The following ATP5MC3 variants were observed in gnomAD, a reference collection of about 807,000 sequenced individuals.
ATP5MC3 encodes ATP synthase F(0) complex subunit C3, mitochondrial.
ATP5MC3 carries 6 observed loss-of-function variants against 15.6 expected under a neutral mutation model. That is an observed-to-expected ratio of 0.38 (90% CI 0.21 to 0.76). ATP5MC3 has a LOEUF of 0.76. Among genes scored for constraint, ATP5MC3 ranks in the 30% least tolerant of loss-of-function variants. The pLI, the probability that ATP5MC3 is intolerant of heterozygous loss-of-function variation, is 0.44. For synonymous variants in ATP5MC3, 66 were observed against 63.3 expected, an observed-to-expected ratio of 1.04 and a Z score of -0.20; for missense variants, 132 against 171.2, an observed-to-expected ratio of 0.77 and a Z score of 1.28.
Position 175,178,303 on chromosome 2 carries a change from A to G in ATP5MC3, c.414T>C (p.Ile138=), listed in dbSNP as rs776355506. ...GLFCLMVAFL[I]LFAM ...CAGTAATTTGTTACATGGCAAACAA[A>G]ATCAAGAAAGCAACCATCAAACAAA... The change falls in exon 5 of 5, where the codon ATT becomes ATC. Residue 138 remains isoleucine (I), a synonymous_variant. Coordinates refer to ENST00000284727, the MANE Select transcript of ATP5MC3 (RefSeq NM_001689.5). 2.5e-5 allele frequency: 40 copies of G among 1,609,288 alleles called. No homozygotes were observed. The South Asian group carries it at 4.2e-4, about 17-fold the overall frequency.
In ATP5MC3 at chr2:175,178,409, G is replaced by A. The variant is rs1007412561; in HGVS notation, c.315-7C>T. On this transcript the variant is annotated splice_region_variant and splice_polypyrimidine_tract_variant and intron_variant, in intron 4 of 4. Transcript: ENST00000284727. ...CTGCTTCAGCGAAGGGTTTCTAAAA[G>A]AGACCACATATGACTGTTACTTTGA... 6.3e-7 allele frequency: 1 copy of A among 1,598,662 alleles called. No homozygotes were observed. Among genetic ancestry groups the A allele is most frequent in the Non-Finnish European group, 8.5e-7 (1 of 1,175,932 alleles).
rs940131820 is a variant in ATP5MC3, at chr2:175,177,129, GC to G, written c.*1158del. On this transcript the variant is annotated 3_prime_UTR_variant, in exon 5 of 5. Coordinates refer to ENST00000284727, the MANE Select transcript of ATP5MC3 (RefSeq NM_001689.5). ...AGTATGCACAAAAACCACCTGGGAA[GC>G]CTTTTTAAAGATGTAGATTGCTGAG... is the stretch of plus-strand genomic sequence containing the variant. 1 of 152,120 alleles carries G rather than the reference GC, an allele frequency of 6.6e-6. No individual in the cohort carries two copies. The highest frequency in any genetic ancestry group is 2.4e-5 in the African/African-American group (1 of 41,414). 9.4% of individuals were successfully genotyped at this position (152,120 alleles called of 1,614,324 possible). A position where few individuals can be genotyped will look rare whatever the true frequency, so the allele number is the denominator to read the frequency against.
chr2:175,178,522 G>A (rs1700721897), intron 4 of ATP5MC3, 120 bp from the exon 5 acceptor site: 1 of 1,443,244 alleles, frequency 6.9e-7, no homozygotes, highest in African/African-American at 1.4e-5. Context: ...TGCTGGAAGA[G>A]TATTTGCCTA....
At position 175,180,162 on chromosome 2, in the gene ATP5MC3, C is replaced by G. The variant is rs746941539; in HGVS notation, c.56G>C (p.Arg19Thr). 3.1e-6 allele frequency: 5 copies of G among 1,595,100 alleles called. No homozygotes were observed. In the African/African-American group the frequency reaches 5.4e-5, roughly 17 times the overall value. The stretch of plus-strand genomic sequence containing the variant: ...TGCAGAAATTGGTCTGTATGCAACT[C>G]TGGATCCAGCTCGGATCTATTAATG... Reference protein sequence around the residue: ...CTPSLIRAGSRVAYRPISASV... With the variant: ...CTPSLIRAGSTVAYRPISASV... Residue 19 changes from arginine to threonine, a missense_variant, in exon 3 of 5, where the codon AGA becomes ACA. By Grantham distance (71) the Arg-to-Thr change is moderately conservative. Around this residue, in one of 2 missense-constraint regions of ATP5MC3, gnomAD observed 90 missense variants for 86.2 expected, o/e 1.04. Transcript: ENST00000284727.
At chr2:175,178,897 T>G in intron 4 of ATP5MC3, 160 bp downstream of exon 4, 1 of 1,222,278 alleles carries the variant, frequency 8.2e-7, no homozygotes, top group Non-Finnish European at 1.1e-6. Flanking sequence ...ACACCCCAAA[T>G]GGTGTTATGA....
intron 2 of ATP5MC3, among the ~76,000 whole-genome samples, chr2:175,180,494 C>A (rs1700753703): frequency 6.6e-6 from 1 of 152,292 alleles, no homozygotes; most frequent in South Asian, 2.1e-4. Flanking sequence ...AAATACCACA[C>A]GTTCTTTGGC....
At chr2:175,179,318 A>C (rs1433990117) in intron 3 of ATP5MC3, 68 bp from the exon 4 acceptor site, 37 of 1,497,428 alleles carry the variant, frequency 2.5e-5, no homozygotes, top group Non-Finnish European at 3.1e-5. Context: ...ATTAAATACC[A>C]TATTGTCAAA....
At position 175,181,421 on chromosome 2, in the gene ATP5MC3, G is replaced by T. The variant is rs1700770070; in HGVS notation, c.-28C>A. The T allele has an allele frequency of 6.2e-7, 1 of 1,612,966 alleles. No individual in the cohort carries two copies. Among genetic ancestry groups the T allele is most frequent in the Non-Finnish European group, 8.5e-7 (1 of 1,179,526 alleles). ...TACACTCTTCGGGACTGCGCGGCTG[G>T]AGATATTGGGTGACAGGCGACGTGG... On this transcript the variant is annotated 5_prime_UTR_variant, in exon 2 of 5. Coordinates refer to ENST00000284727, the MANE Select transcript of ATP5MC3 (RefSeq NM_001689.5).
chr2:175,178,393 C>G lies in ATP5MC3; in HGVS notation c.324G>C (p.Ser108=). 4 of 1,603,866 alleles carry G rather than the reference C, an allele frequency of 2.5e-6. No individual in the cohort carries two copies. Among genetic ancestry groups the G allele is most frequent in the Non-Finnish European group, 3.4e-6 (4 of 1,176,800 alleles). ...CATATGAGAACAGCTGCTGCTTCAG[C>G]GAAGGGTTTCTAAAAGAGACCACAT... is the stretch of plus-strand genomic sequence containing the variant. ...SLIIGYARNP[S]LKQQLFSYAI... Residue 108 remains serine, a synonymous_variant, in exon 5 of 5, where the codon TCG becomes TCC. Transcript: ENST00000284727.
chr2:175,179,296 G>A (rs748864884), intron 3 of ATP5MC3, 46 bp from the exon 4 acceptor site: 9 of 1,537,604 alleles, frequency 5.9e-6, no homozygotes, highest in Non-Finnish European at 7.9e-6. Context: ...GTAACCACAG[G>A]TAGCTATTTT....
At chr2:175,178,460 A>G (rs1700721020) in intron 4 of ATP5MC3, 58 bp from the exon 5 acceptor site, 1 of 1,548,604 alleles carries the variant, frequency 6.5e-7, no homozygotes, top group Non-Finnish European at 8.7e-7. Context: ...ATGTTTGGTA[A>G]ATGTTAAAGA....
At chr2:175,178,463 G>A (rs112693157) in intron 4 of ATP5MC3, 61 bp from the exon 5 acceptor site, 1 of 1,548,926 alleles carries the variant, frequency 6.5e-7, no homozygotes, top group Non-Finnish European at 8.7e-7. Flanking sequence ...TTTGGTAAAT[G>A]TTAAAGAATC....
rs1271750604 is a variant in ATP5MC3 at position 175,178,816 on chromosome 2, T to C, written c.314+241A>G. On this transcript the variant is annotated intron_variant, in intron 4 of 4. Transcript: ENST00000284727. ...CTTAGTTAAAATTCATTTTCTGACA[T>C]TTACTAGCTATGACCTGGGCAAGTA... 5 of 1,117,974 alleles carry C rather than the reference T, an allele frequency of 4.5e-6. No individual in the cohort carries two copies. In the African/African-American group the frequency reaches 6.4e-5, roughly 14 times the overall value. 69.3% of individuals were successfully genotyped at this position (1,117,974 alleles called of 1,614,324 possible). A position where few individuals can be genotyped will look rare whatever the true frequency, so the allele number is the denominator to read the frequency against.
intron 3 of ATP5MC3, chr2:175,179,529 CCTGGT>C (rs1019581292): frequency 2.9e-6 from 1 of 339,172 alleles, no homozygotes; most frequent in African/African-American, 2.1e-5. Flanking sequence ...CAAGGTCTCA[CCTGGT>C]CTGTCACCCA....
Position 175,180,668 on chromosome 2 carries a change from G to A in ATP5MC3, c.40-490C>T, listed in dbSNP as rs183451851. Among the ~76,000 whole-genome samples the A allele has an allele frequency of 2.8e-3, 424 of 152,228 alleles. 3 individuals are homozygous for A. Among genetic ancestry groups the A allele is most frequent in the Non-Finnish European group, 4.8e-3 (324 of 68,022 alleles). On this transcript the variant is annotated intron_variant, in intron 2 of 4. Coordinates refer to ENST00000284727, the MANE Select transcript of ATP5MC3 (RefSeq NM_001689.5). ...AAGGAACTTAAGCAATTCTACATCA[G>A]TTTAAGAATAATCTGTGAAATATCT...
chr2:175,181,347 C>T lies in ATP5MC3; in HGVS notation c.39+8G>A. ...CTCAATCCCCCCGACCCTGCCTGGG[C>T]TACGCACCAGAGAGGGGGTGCAGGC... On this transcript the variant is annotated splice_region_variant and intron_variant, in intron 2 of 4. Coordinates refer to ENST00000284727, the MANE Select transcript of ATP5MC3 (RefSeq NM_001689.5). 7.4e-6 allele frequency: 12 copies of T among 1,613,410 alleles called. No homozygotes were observed. Among genetic ancestry groups the T allele is most frequent in the Non-Finnish European group, 1.0e-5 (12 of 1,179,716 alleles).
intron 2 of ATP5MC3, among the ~76,000 whole-genome samples, chr2:175,180,385 C>A (rs540926879): frequency 1.3e-5 from 2 of 152,228 alleles, no homozygotes; most frequent in East Asian, 1.9e-4. Context: ...ACGCTTGCTA[C>A]CTTGAATAAA....
intron 3 of ATP5MC3, chr2:175,179,501 G>T (rs191132689): frequency 2.2e-6 from 1 of 447,180 alleles, no homozygotes; most frequent in Non-Finnish European, 3.8e-6. Context: ...TTTTTGTTTT[G>T]TTTTTTCTTA....
At chr2:175,179,560 C>A (rs1006001513) in intron 3 of ATP5MC3, 1 of 269,550 alleles carries the variant, frequency 3.7e-6, no homozygotes, top group African/African-American at 2.2e-5. Flanking sequence ...GAGTGCAGTA[C>A]AGTGTGGTGT....
Sources: allele counts gnomAD v4.1 joint callset (sites outside exome capture counted in the v4.1 genomes callset), GRCh38; gene constraint gnomAD v4.1.1; regional missense constraint gnomAD v4.1.1; transcripts MANE v1.5; gene names NCBI Gene and HGNC (gene_info 2026-07-23, HGNC 2026-07-21).